The following LRMDA variants were observed in gnomAD, a reference collection of about 807,000 sequenced individuals.
LRMDA encodes the protein leucine rich melanocyte differentiation associated.
LRMDA carries 18 observed loss-of-function variants against 29.8 expected under a neutral mutation model. The ratio of observed to expected loss-of-function variants is 0.60; its 90% CI spans 0.42 to 0.90. The LOEUF (loss-of-function observed/expected upper bound fraction) is 0.90. Among genes scored for constraint, LRMDA ranks in the 40% least tolerant of loss-of-function variants. The pLI is 0.00. For synonymous variants in LRMDA, 125 were observed against 109.4 expected (o/e 1.14, Z -0.89); for missense variants, 273 against 273.9 (o/e 1.00, Z 0.02).
At chr10:76,225,411 C>T (rs751552745) in intron 5 of LRMDA, among the ~76,000 whole-genome samples, 14 of 150,920 alleles carry the variant, frequency 9.3e-5, no homozygotes, top group East Asian at 5.8e-4. Context: ...AGTGAGACTC[C>T]GTCTCAAAAA....
intron 2 of LRMDA, among the ~76,000 whole-genome samples, chr10:75,702,945 G>A (rs1842326205): frequency 6.6e-6 from 1 of 152,156 alleles, no homozygotes; most frequent in South Asian, 2.1e-4. Context: ...CATCTGAAAT[G>A]TAAATATCTC....
At chr10:76,237,675 C>T (rs1852177489) in intron 5 of LRMDA, among the ~76,000 whole-genome samples, 1 of 151,536 alleles carries the variant, frequency 6.6e-6, no homozygotes. Flanking sequence ...TTCCTGCTTT[C>T]AGTGGCAGGG....
In LRMDA at chr10:75,713,924, AC is replaced by A. The variant is rs754600568; in HGVS notation, c.131+275431del. ...TCCCTGAATTGTTTTGCTCTGTGTCACAACAACATTTTATTTTTCTTAAAGT... is the reference window on the plus strand; with the variant it reads ...TCCCTGAATTGTTTTGCTCTGTGTCAAACAACATTTTATTTTTCTTAAAGT... On this transcript the variant is annotated intron_variant, in intron 2 of 6. Coordinates refer to ENST00000611255, the MANE Select transcript of LRMDA (RefSeq NM_001305581.2). Among the ~76,000 whole-genome samples, 99 of 152,046 alleles carry A rather than the reference AC, an allele frequency of 6.5e-4. No homozygotes were observed. In the Middle Eastern group the frequency reaches 0.01, roughly 16 times the overall value.
intron 2 of LRMDA, among the ~76,000 whole-genome samples, chr10:75,925,556 G>T (rs571677281): frequency 7.5e-5 from 9 of 120,108 alleles, no homozygotes; most frequent in East Asian, 2.6e-4. Flanking sequence ...TAGTTTGGAG[G>T]GGGGGAGCTT....
intron 6 of LRMDA, among the ~76,000 whole-genome samples, chr10:76,390,869 G>A (rs1313284472): frequency 6.6e-6 from 1 of 152,138 alleles, no homozygotes; most frequent in East Asian, 1.9e-4. Context: ...TTTTTGGAAG[G>A]TATGAAGGGA....
At chr10:75,616,668 A>G (rs762457512) in intron 2 of LRMDA, among the ~76,000 whole-genome samples, 60 of 152,186 alleles carry the variant, frequency 3.9e-4, no homozygotes, top group Non-Finnish European at 7.8e-4. Context: ...AGCTAATTTC[A>G]GTGTAGGTTG....
intron 2 of LRMDA, among the ~76,000 whole-genome samples, chr10:75,613,167 G>A (rs1429872063): frequency 1.3e-5 from 2 of 151,684 alleles, no homozygotes; most frequent in Non-Finnish European, 2.9e-5. Flanking sequence ...AACAGTAAGA[G>A]CACTATCTGG....
At chr10:75,696,499 G>T (rs1158916838) in intron 2 of LRMDA, among the ~76,000 whole-genome samples, 1 of 152,150 alleles carries the variant, frequency 6.6e-6, no homozygotes, top group Non-Finnish European at 1.5e-5. Context: ...ACTATTGATT[G>T]GTTATTCACA....
At chr10:76,525,963 A>G (rs1474947187) in intron 6 of LRMDA, among the ~76,000 whole-genome samples, 2 of 152,200 alleles carry the variant, frequency 1.3e-5, no homozygotes, top group Non-Finnish European at 2.9e-5. Context: ...ATTCTAGACT[A>G]TAACCAGCCA....
At chr10:76,363,176 A>AGAAGGAG (rs1459442138) in intron 6 of LRMDA, among the ~76,000 whole-genome samples, 3 of 21,750 alleles carry the variant, frequency 1.4e-4, no homozygotes, top group Non-Finnish European at 3.5e-4. Flanking sequence ...AAAGAAAGAA[A>AGAAGGAG]GGAGGGAGGG....
chr10:76,334,847 G>C (rs1840948197), intron 6 of LRMDA, among the ~76,000 whole-genome samples: 1 of 152,180 alleles, frequency 6.6e-6, no homozygotes, highest in South Asian at 2.1e-4. Flanking sequence ...CCCTGCACCA[G>C]GGCATGTAGG....
intron 6 of LRMDA, among the ~76,000 whole-genome samples, chr10:76,428,260 C>A (rs1222900577): frequency 2.0e-5 from 3 of 151,974 alleles, no homozygotes; most frequent in Non-Finnish European, 2.9e-5. Context: ...CTAGGAGGAG[C>A]CAGCCTGTCT....
chr10:75,543,874 C>T (rs1015130770), intron 2 of LRMDA, among the ~76,000 whole-genome samples: 4 of 152,112 alleles, frequency 2.6e-5, no homozygotes, highest in Admixed American at 6.5e-5. Context: ...ATGATTTTCA[C>T]TCCTCTGGAT....
At position 76,023,072 on chromosome 10, in the gene LRMDA, C is replaced by CT. The variant is rs78974132; in HGVS notation, c.132-12923dup. Among the ~76,000 whole-genome samples the CT allele has an allele frequency of 6.9e-3, 982 of 143,266 alleles. 12 individuals carry two copies. Among genetic ancestry groups the CT allele is most frequent in the African/African-American group, 0.02 (797 of 39,226 alleles). 94.0% of individuals were successfully genotyped at this position (143,266 alleles called of 152,430 possible). A position where few individuals can be genotyped will look rare whatever the true frequency, so the allele number is the denominator to read the frequency against. On this transcript the variant is annotated intron_variant, in intron 2 of 6. Coordinates refer to ENST00000611255, the MANE Select transcript of LRMDA (RefSeq NM_001305581.2). ...ACTGTCTTCTTCCTTCTGCCATCTT[C>CT]TTTTTTTTTTTTTAAGAATTAATTT...
chr10:75,630,361 C>G (rs1841307728), intron 2 of LRMDA, among the ~76,000 whole-genome samples: 1 of 152,244 alleles, frequency 6.6e-6, no homozygotes, highest in African/African-American at 2.4e-5. Flanking sequence ...GGAGACCAGT[C>G]TTCGCTGGTT....
At chr10:76,434,287 G>A (rs920033161) in intron 6 of LRMDA, among the ~76,000 whole-genome samples, 2 of 151,932 alleles carry the variant, frequency 1.3e-5, no homozygotes, top group Admixed American at 6.6e-5. Flanking sequence ...GTTTTGTTAA[G>A]TTTTAATCTC....
chr10:75,881,129 A>G (rs1158852723), intron 2 of LRMDA, among the ~76,000 whole-genome samples: 4 of 152,230 alleles, frequency 2.6e-5, no homozygotes, highest in African/African-American at 9.6e-5. Context: ...AATTTTTCCC[A>G]TAGTCATGGA....
intron 6 of LRMDA, among the ~76,000 whole-genome samples, chr10:76,349,520 A>G (rs1229729972): frequency 6.6e-6 from 1 of 152,120 alleles, no homozygotes; most frequent in Non-Finnish European, 1.5e-5. Context: ...TTATAATCAT[A>G]CCTATTTGAT....
chr10:75,511,943 A>T (rs1845230585), intron 2 of LRMDA, among the ~76,000 whole-genome samples: 1 of 152,222 alleles, frequency 6.6e-6, no homozygotes, highest in Non-Finnish European at 1.5e-5. Context: ...TCCAGCAAGC[A>T]GCATGTCCTA....
Sources: gnomAD v4.1 joint callset for allele counts (sites outside exome capture counted in the v4.1 genomes callset) on GRCh38, gnomAD v4.1.1 for gene constraint, MANE v1.5 for transcripts, NCBI Gene and HGNC (gene_info 2026-07-23, HGNC 2026-07-21) for gene names.